The following SLC39A11 variants were observed in gnomAD, a reference collection of about 807,000 sequenced individuals.
SLC39A11 encodes solute carrier family 39 member 11.
Under a neutral mutation model 36.1 loss-of-function variants are expected in SLC39A11, and 33 were observed. The ratio of observed to expected loss-of-function variants is 0.91; its 90% confidence interval spans 0.69 to 1.22. The LOEUF is 1.22. SLC39A11 is among the 50% of genes most tolerant of loss of function. The pLI, the probability that SLC39A11 is intolerant of heterozygous loss-of-function variation, is 0.00. For missense variants in SLC39A11, 432 were observed against 430.3 expected (o/e 1.00, Z -0.03); for synonymous variants, 166 against 170.3 (o/e 0.97, Z 0.20).
chr17:72,967,370 C>CAG (rs72044418), intron 4 of SLC39A11, among the ~76,000 whole-genome samples: 171 of 110,092 alleles, frequency 1.6e-3, no homozygotes, highest in African/African-American at 2.8e-3. Context: ...TAAGCATGCT[C>CAG]AGAGAGAGAG....
At chr17:73,080,083 C>T (rs1398319528) in intron 3 of SLC39A11, among the ~76,000 whole-genome samples, 4 of 152,204 alleles carry the variant, frequency 2.6e-5, no homozygotes, top group South Asian at 2.1e-4. Context: ...ACAAATTCAA[C>T]GCAATTCCCA....
intron 5 of SLC39A11, among the ~76,000 whole-genome samples, chr17:72,928,638 A>C (rs1053608094): frequency 6.6e-6 from 1 of 152,118 alleles, no homozygotes; most frequent in Admixed American, 6.5e-5. Context: ...GGGCCCTGAT[A>C]GTTGATTCTC....
At chr17:72,961,652 A>G (rs1031702782) in intron 4 of SLC39A11, among the ~76,000 whole-genome samples, 1 of 150,534 alleles carries the variant, frequency 6.6e-6, no homozygotes, top group Non-Finnish European at 1.5e-5. Flanking sequence ...AAAACCAAAC[A>G]CCGCATGTTC....
At chr17:72,885,234 A>G (rs4969118) in intron 5 of SLC39A11, among the ~76,000 whole-genome samples, 79,236 of 152,046 alleles carry the variant, frequency 0.52, 22,589 homozygotes, top group African/African-American at 0.75. Flanking sequence ...TATTGGAATT[A>G]AACAGCTTCC....
At chr17:72,872,707 C>T (rs958928844) in intron 5 of SLC39A11, among the ~76,000 whole-genome samples, 7 of 152,184 alleles carry the variant, frequency 4.6e-5, no homozygotes, top group African/African-American at 1.4e-4. Context: ...CCACCCCCTC[C>T]GTTGTGGGGA....
At position 72,723,321 on chromosome 17, in the gene SLC39A11, A is replaced by AGTGTGTGTGT. The variant is rs10570164; in HGVS notation, c.671+13319_671+13328dup. 2.4e-3 allele frequency among the ~76,000 whole-genome samples: 363 copies of AGTGTGTGTGT among 148,550 alleles called. 2 individuals are homozygous for AGTGTGTGTGT. The highest frequency in any genetic ancestry group is 5.7e-3 in the African/African-American group (229 of 40,116). The stretch of plus-strand genomic sequence containing the variant: ...TTCTTTGTCTTTGTAGGAGTGTAAG[A>AGTGTGTGTGT]GTGTGTGTGTGTGTGTGTGTGTGTG... On this transcript the variant is annotated intron_variant, in intron 7 of 9. Transcript: ENST00000255559.
At chr17:72,903,646 T>A (rs1042227424) in intron 5 of SLC39A11, among the ~76,000 whole-genome samples, 1 of 152,184 alleles carries the variant, frequency 6.6e-6, no homozygotes, top group South Asian at 2.1e-4. Flanking sequence ...AGGTCATTTA[T>A]CTTCCTAGTT....
chr17:72,846,042 T>TTTTTTTTTTTTTTTTTC, intron 6 of SLC39A11, among the ~76,000 whole-genome samples: 1 of 139,208 alleles, frequency 7.2e-6, no homozygotes, highest in Non-Finnish European at 1.6e-5. Flanking sequence ...TTTTTTTTTT[T>TTTTTTTTTTTTTTTTTC]TTTTTGAGAC....
At chr17:72,822,753 C>A (rs1185202344) in intron 6 of SLC39A11, among the ~76,000 whole-genome samples, 1 of 150,798 alleles carries the variant, frequency 6.6e-6, no homozygotes, top group East Asian at 1.9e-4. Flanking sequence ...TTTGCTCTGT[C>A]ACCCAGGCTG....
At chr17:72,649,447 G>C (rs1466436096) in intron 7 of SLC39A11, among the ~76,000 whole-genome samples, 179 bp from the exon 8 acceptor site, 1 of 152,236 alleles carries the variant, frequency 6.6e-6, no homozygotes, top group African/African-American at 2.4e-5. Flanking sequence ...AGCAGGGGCT[G>C]CAGGAGGGAG....
At chr17:72,898,688 T>C (rs2082154839) in intron 5 of SLC39A11, among the ~76,000 whole-genome samples, 1 of 151,940 alleles carries the variant, frequency 6.6e-6, no homozygotes, top group Non-Finnish European at 1.5e-5. Flanking sequence ...CATGTATACA[T>C]GCATTGTGCA....
chr17:72,737,448 A>C (rs4793481), intron 6 of SLC39A11, among the ~76,000 whole-genome samples: 50,652 of 152,042 alleles, frequency 0.33, 10,283 homozygotes, highest in Middle Eastern at 0.5. Flanking sequence ...CTGAAATCTA[A>C]AATATTTACT....
chr17:73,087,079 CA>C (rs1396662496), intron 2 of SLC39A11, among the ~76,000 whole-genome samples: 1 of 151,562 alleles, frequency 6.6e-6, no homozygotes, highest in Admixed American at 6.6e-5. Context: ...CAAACAAAAA[CA>C]AAAAACCCTG....
At chr17:72,831,364 C>G (rs1264845134) in intron 6 of SLC39A11, among the ~76,000 whole-genome samples, 1 of 152,160 alleles carries the variant, frequency 6.6e-6, no homozygotes. Flanking sequence ...ACTGCTGCAT[C>G]CAATAGTCAG....
intron 5 of SLC39A11, among the ~76,000 whole-genome samples, chr17:72,868,412 G>A (rs1387056529): frequency 1.3e-5 from 2 of 152,016 alleles, no homozygotes; most frequent in Non-Finnish European, 2.9e-5. Flanking sequence ...TTTAGGCCAT[G>A]CTAACTTAAG....
chr17:72,670,158 TATACACACACACACACACACACAC>T lies in SLC39A11; in HGVS notation c.672-20914_672-20891del, dbSNP rs1206167839. ...TACGTATACACACACACACATTTTATATACACACACACACACACACACACACACACACACACACACACACACACA... is the reference window on the plus strand; with the variant it reads ...TACGTATACACACACACACATTTTATACACACACACACACACACACACACA... On this transcript the variant is annotated intron_variant, in intron 7 of 9. Transcript: ENST00000255559. Among the ~76,000 whole-genome samples, 56 of 126,378 alleles carry T rather than the reference TATACACACACACACACACACACAC, an allele frequency of 4.4e-4. No homozygotes were observed. In the East Asian group the frequency reaches 0.011, roughly 24 times the overall value. The allele number at this position is 126,378 out of a possible 152,430, so 82.9% of individuals were successfully genotyped here.
At chr17:72,996,784 TC>T (rs2089539128) in intron 4 of SLC39A11, among the ~76,000 whole-genome samples, 1 of 152,190 alleles carries the variant, frequency 6.6e-6, no homozygotes, top group Admixed American at 6.5e-5. Context: ...GAGACACTAT[TC>T]AACCCAGTAT....
chr17:73,023,156 G>A (rs1014250280), intron 4 of SLC39A11, among the ~76,000 whole-genome samples: 1 of 152,084 alleles, frequency 6.6e-6, no homozygotes, highest in South Asian at 2.1e-4. Context: ...AGCGACCACT[G>A]GTTCAGAACG....
intron 5 of SLC39A11, among the ~76,000 whole-genome samples, chr17:72,900,167 AAG>A (rs1377338201): frequency 8.0e-6 from 1 of 124,754 alleles, no homozygotes; most frequent in Non-Finnish European, 1.8e-5. Context: ...GAAAGAAAGA[AAG>A]AAAGAAAGAA....
Sources: allele counts gnomAD v4.1 joint callset (sites outside exome capture counted in the v4.1 genomes callset), GRCh38; gene constraint gnomAD v4.1.1; transcripts MANE v1.5; gene names NCBI Gene and HGNC (gene_info 2026-07-23, HGNC 2026-07-21).